Variants in KCNK7 observed in about 807,000 individuals in gnomAD.
KCNK7 encodes the protein potassium two pore domain channel subfamily K member 7.
In KCNK7, 14 loss-of-function variants were observed where a neutral mutation model predicts 18.1. That is an observed-to-expected ratio of 0.77 (90% CI 0.51 to 1.21). The LOEUF is 1.21. Among genes scored for constraint, KCNK7 ranks in the 50% most tolerant of loss-of-function variants. The pLI, the probability that KCNK7 is intolerant of heterozygous loss-of-function variation, is 0.00. For synonymous variants in KCNK7, 188 were observed against 184.7 expected (o/e 1.02, Z -0.15); for missense variants, 385 against 387.3 (o/e 0.99, Z 0.05).
intron 2 of KCNK7, 77 bp from the exon 3 acceptor site, chr11:65,593,287 C>T: frequency 6.2e-7 from 1 of 1,613,426 alleles, no homozygotes; most frequent in South Asian, 1.1e-5. Context: ...CAGTGACTTG[C>T]CCTGGCAACT....
At position 65,593,885 on chromosome 11, in the gene KCNK7, G is replaced by C; in HGVS notation, c.320-11C>G. 11 of 1,518,552 alleles carry C rather than the reference G, an allele frequency of 7.2e-6. No individual in the cohort carries two copies. The highest frequency in any genetic ancestry group is 9.7e-6 in the Non-Finnish European group (11 of 1,135,194). The allele number at this position is 1,518,552 out of a possible 1,614,324, so 94.1% of individuals were successfully genotyped here. ...CCATGTGGCCATAACCTGGAGAAGA[G>C]AGAGTCAGTGGACAGTGAGAGCTCT... is the stretch of plus-strand genomic sequence containing the variant. On this transcript the variant is annotated splice_polypyrimidine_tract_variant and intron_variant, in intron 1 of 2. Transcript: ENST00000340313.
At position 65,593,135 on chromosome 11, in the gene KCNK7, A is replaced by T. The variant is rs201942855; in HGVS notation, c.794T>A (p.Met265Lys). The T allele has an allele frequency of 1.2e-6, 2 of 1,613,950 alleles. No homozygotes were observed. Among genetic ancestry groups the T allele is most frequent in the East Asian group, 4.5e-5 (2 of 44,874 alleles). ...TFSELPQVRA[M>K]GKFFRPSGPV... ...ACCACTGGGTCTGAAGAACTTCCCCATGGCACGGACCTGCGGCAGCTCAGA... is the reference window on the plus strand; with the variant it reads ...ACCACTGGGTCTGAAGAACTTCCCCTTGGCACGGACCTGCGGCAGCTCAGA... The change falls in exon 3 of 3, where the codon ATG (methionine) becomes AAG (lysine). Residue 265 changes from methionine (M) to lysine (K), a missense_variant. Met to Lys is a moderately conservative substitution (Grantham distance 95, BLOSUM62 -1). Transcript: ENST00000340313.
At chr11:65,594,882 A>C (rs760395820) in intron 1 of KCNK7, among the ~76,000 whole-genome samples, 14 of 152,016 alleles carry the variant, frequency 9.2e-5, no homozygotes, top group Non-Finnish European at 1.9e-4. Context: ...AAAAAAAAAA[A>C]GTTGGAAATA....
chr11:65,593,530 G>A lies in KCNK7; in HGVS notation c.664C>T (p.Arg222Cys), dbSNP rs779924861. 32 of 1,612,074 alleles carry A rather than the reference G, an allele frequency of 2.0e-5. No homozygotes were observed. Among genetic ancestry groups the A allele is most frequent in the South Asian group, 1.5e-4 (14 of 91,090 alleles). The change falls in exon 2 of 3, where the codon CGC becomes TGC. Residue 222 changes from arginine to cysteine, a missense_variant. Arg to Cys is a radical substitution (Grantham distance 180). Transcript: ENST00000340313. ...TIGLEDLLPG[R>C]GRSLHPVIYH... ...ATCACGGGGTGCAGGCTGCGGCCGC[G>A]GCCGGGCAGCAAGTCCTCCAGGCCA...
Position 65,593,570 on chromosome 11 carries a change from GC to G in KCNK7, c.623del (p.Ser208ThrfsTer22), listed in dbSNP as rs1858481834. ...SLLGAVYFCF[S>X]SLSTIGLEDL... ...CCTCCAGGCCAATGGTGCTGAGCGAGCTGAAGCAGAAGTAGACGGCCCCCAG... is the reference window on the plus strand; with the variant it reads ...CCTCCAGGCCAATGGTGCTGAGCGAGTGAAGCAGAAGTAGACGGCCCCCAG... On this transcript the variant is annotated frameshift_variant, in exon 2 of 3. Coordinates refer to ENST00000340313, the MANE Select transcript of KCNK7 (RefSeq NM_033347.2). LOFTEE classifies it high-confidence loss of function. 5.6e-6 allele frequency: 9 copies of G among 1,608,702 alleles called. No individual in the cohort carries two copies. Among genetic ancestry groups the G allele is most frequent in the African/African-American group, 5.3e-5 (4 of 75,052 alleles).
In KCNK7 at chr11:65,593,517, AG is replaced by A; in HGVS notation, c.676del (p.Leu226CysfsTer4). The A allele has an allele frequency of 6.2e-7, 1 of 1,613,206 alleles. No homozygotes were observed. Among genetic ancestry groups the A allele is most frequent in the South Asian group, 1.1e-5 (1 of 91,078 alleles). On this transcript the variant is annotated frameshift_variant, in exon 2 of 3. Transcript: ENST00000340313. LOFTEE classifies it low-confidence loss of function (END_TRUNC). ...GCCCAGGTGGTAAATCACGGGGTGC[AG>A]GCTGCGGCCGCGGCCGGGCAGCAAG... The part of the protein sequence containing the change: ...EDLLPGRGRS[L>X]HPVIYHLGQL...
Position 65,593,521 on chromosome 11 carries a change from T to TGCGGCC in KCNK7, c.667_672dup (p.Gly223_Arg224dup), listed in dbSNP as rs1858476782. On this transcript the variant is annotated inframe_insertion, in exon 2 of 3. Coordinates refer to ENST00000340313, the MANE Select transcript of KCNK7 (RefSeq NM_033347.2). ...AGGTGGTAAATCACGGGGTGCAGGC[T>TGCGGCC]GCGGCCGCGGCCGGGCAGCAAGTCC... is the stretch of plus-strand genomic sequence containing the variant. The TGCGGCC allele has an allele frequency of 3.1e-6, 5 of 1,612,790 alleles. No homozygotes were observed. The highest frequency in any genetic ancestry group is 2.2e-5 in the East Asian group (1 of 44,892).
chr11:65,593,970 C>T lies in KCNK7; in HGVS notation c.320-96G>A, dbSNP rs532506491. Reference sequence around the variant, plus strand: ...AATACTGCCTTCCGCAGAAGGCTGCCCTCTGGTGGCCTTGAACTGGCCAGG... The same window carrying T: ...AATACTGCCTTCCGCAGAAGGCTGCTCTCTGGTGGCCTTGAACTGGCCAGG... On this transcript the variant is annotated intron_variant, in intron 1 of 2. Transcript: ENST00000340313. The T allele has an allele frequency of 4.5e-6, 6 of 1,340,076 alleles. No individual in the cohort carries two copies. The African/African-American group carries it at 5.9e-5, about 13-fold the overall frequency. The allele number at this position is 1,340,076 out of a possible 1,614,324, so 83.0% of individuals were successfully genotyped here.
At chr11:65,593,943 C>G in intron 1 of KCNK7, 69 bp from the exon 2 acceptor site, 1 of 1,450,620 alleles carries the variant, frequency 6.9e-7, no homozygotes, top group Non-Finnish European at 9.1e-7. Context: ...CCTGCCTACC[C>G]CAATACTGCC....
chr11:65,594,990 C>T (rs1442430053), intron 1 of KCNK7, among the ~76,000 whole-genome samples: 2 of 152,338 alleles, frequency 1.3e-5, no homozygotes, highest in African/African-American at 2.4e-5. Flanking sequence ...TGGGCCTGTG[C>T]CCACGCGATT....
chr11:65,593,098 A>G lies in KCNK7; in HGVS notation c.831T>C (p.Ala277=), dbSNP rs1858447054. The G allele has an allele frequency of 6.2e-7, 1 of 1,613,806 alleles. No homozygotes were observed. Among genetic ancestry groups the G allele is most frequent in the South Asian group, 1.1e-5 (1 of 91,050 alleles). ...KFFRPSGPVT[A]EDQGGILGQD... ...GCCCTAGGATGCCACCTTGGTCCTCAGCAGTCACAGGACCACTGGGTCTGA... is the reference window on the plus strand; with the variant it reads ...GCCCTAGGATGCCACCTTGGTCCTCGGCAGTCACAGGACCACTGGGTCTGA... Residue 277 remains alanine, a synonymous_variant, in exon 3 of 3, where the codon GCT becomes GCC. Transcript: ENST00000340313.
Position 65,593,214 on chromosome 11 carries a change from G to C in KCNK7, c.719-4C>G, listed in dbSNP as rs774418550. On this transcript the variant is annotated splice_region_variant and splice_polypyrimidine_tract_variant and intron_variant, in intron 2 of 2. Transcript: ENST00000340313. ...AAGAGTCCTAGAAGCAAGTAACCTG[G>C]GGAGGAGAAGGTGCTGGGGCAGCGC... The C allele has an allele frequency of 4.3e-6, 7 of 1,612,858 alleles. No homozygotes were observed. The highest frequency in any genetic ancestry group is 2.2e-5 in the South Asian group (2 of 90,908).
chr11:65,593,808 CCCAGGG>C lies in KCNK7; in HGVS notation c.380_385del (p.Ala127_Leu128del). 1 of 1,602,896 alleles carries C rather than the reference CCCAGGG, an allele frequency of 6.2e-7. No homozygotes were observed. Among genetic ancestry groups the C allele is most frequent in the Non-Finnish European group, 8.5e-7 (1 of 1,173,962 alleles). ...CACGAGAGCTAAGGAGGCTGGCAGCCCCAGGGCTGCATAGACCATGCAGAAGGCCTT... is the reference window on the plus strand; with the variant it reads ...CACGAGAGCTAAGGAGGCTGGCAGCCCTGCATAGACCATGCAGAAGGCCTT... On this transcript the variant is annotated inframe_deletion, in exon 2 of 3. Transcript: ENST00000340313.
rs137966127 is a variant in KCNK7, at chr11:65,595,095, G to A, written c.319+359C>T. Among the ~76,000 whole-genome samples the A allele has an allele frequency of 1.2e-3, 187 of 152,204 alleles. 1 individual carries two copies. Among genetic ancestry groups the A allele is most frequent in the African/African-American group, 3.9e-3 (161 of 41,522 alleles). On this transcript the variant is annotated intron_variant, in intron 1 of 2. Coordinates refer to ENST00000340313, the MANE Select transcript of KCNK7 (RefSeq NM_033347.2). Reference sequence around the variant, plus strand: ...CCTATCTTCCCTCACTCCCCCACCCGAGGCCATGGTCCTGATCTGTCCTTC... The same window carrying A: ...CCTATCTTCCCTCACTCCCCCACCCAAGGCCATGGTCCTGATCTGTCCTTC...
In KCNK7 at chr11:65,592,871, G is replaced by A. The variant is rs1858422694; in HGVS notation, c.*134C>T. ...TAGCCGAAGTCGTTGCTCATTTTAT[G>A]ATTAACAGTATCCTCTGAGGCCTCC... is the stretch of plus-strand genomic sequence containing the variant. On this transcript the variant is annotated 3_prime_UTR_variant, in exon 3 of 3. Coordinates refer to ENST00000340313, the MANE Select transcript of KCNK7 (RefSeq NM_033347.2). 3.0e-6 allele frequency: 3 copies of A among 1,016,344 alleles called. No homozygotes were observed. The highest frequency in any genetic ancestry group is 1.7e-5 in the South Asian group (1 of 59,336). 63.0% of individuals were successfully genotyped at this position (1,016,344 alleles called of 1,614,324 possible).
Position 65,593,080 on chromosome 11 carries a change from G to C in KCNK7, c.849C>G (p.Ile283Met), listed in dbSNP as rs1858445254. ...GPVTAEDQGG[I>M]LGQDELALST... is the part of the protein sequence containing the mutation. Reference sequence around the variant, plus strand: ...TCAGAGCCAGTTCATCCTGCCCTAGGATGCCACCTTGGTCCTCAGCAGTCA... The same window carrying C: ...TCAGAGCCAGTTCATCCTGCCCTAGCATGCCACCTTGGTCCTCAGCAGTCA... The change falls in exon 3 of 3, where the codon ATC becomes ATG. Residue 283 changes from isoleucine to methionine, a missense_variant. Physicochemically the swap from Ile to Met is conservative, Grantham distance 10. Transcript: ENST00000340313. 1.2e-6 allele frequency: 2 copies of C among 1,613,790 alleles called. No homozygotes were observed. Among genetic ancestry groups the C allele is most frequent in the East Asian group, 4.5e-5 (2 of 44,846 alleles).
chr11:65,593,473 T>C lies in KCNK7; in HGVS notation c.718+3A>G, dbSNP rs749120656. 2.5e-6 allele frequency: 4 copies of C among 1,613,760 alleles called. No individual in the cohort carries two copies. ...CCACACGCTGTTAGGTGGCTGGACT[T>C]ACCAAGAAGTGCGAGCTGGCCCAGG... On this transcript the variant is annotated splice_donor_region_variant and intron_variant, in intron 2 of 2. Transcript: ENST00000340313.
Position 65,593,454 on chromosome 11 carries a change from G to T in KCNK7, c.718+22C>A, listed in dbSNP as rs149170823. 8 of 1,613,756 alleles carry T rather than the reference G, an allele frequency of 5.0e-6. No homozygotes were observed. In the South Asian group the frequency reaches 8.8e-5, roughly 18 times the overall value. On this transcript the variant is annotated intron_variant, in intron 2 of 2. Coordinates refer to ENST00000340313, the MANE Select transcript of KCNK7 (RefSeq NM_033347.2). Reference sequence around the variant, plus strand: ...GCTCCTCTTCCCCCTTCCCCCACACGCTGTTAGGTGGCTGGACTTACCAAG... The same window carrying T: ...GCTCCTCTTCCCCCTTCCCCCACACTCTGTTAGGTGGCTGGACTTACCAAG...
chr11:65,593,453 C>A (rs200550438), intron 2 of KCNK7, 23 bp downstream of exon 2: 1 of 1,613,816 alleles, frequency 6.2e-7, no homozygotes, highest in African/African-American at 1.3e-5. Context: ...TTCCCCCACA[C>A]GCTGTTAGGT....
Sources: allele counts gnomAD v4.1 joint callset (sites outside exome capture counted in the v4.1 genomes callset), GRCh38; gene constraint gnomAD v4.1.1; transcripts MANE v1.5; gene names NCBI Gene and HGNC (gene_info 2026-07-23, HGNC 2026-07-21).